Variants in EYS observed in about 807,000 individuals in gnomAD.
The protein encoded by EYS is EGF-like photoreceptor maintenance factor.
In EYS, 250 loss-of-function variants were observed where a neutral mutation model predicts 282.1. The observed-to-expected ratio is 0.89, with a 90% CI of 0.80 to 0.98. EYS has a LOEUF of 0.98. Ranked by LOEUF, EYS falls within the 50% of genes least tolerant of loss-of-function variation. The probability of loss-of-function intolerance (pLI) is 0.00; values close to 1 mark genes in which losing one functional copy is unlikely to be tolerated. For missense variants in EYS, 4,016 were observed against 3,709.0 expected, an observed-to-expected ratio of 1.08 and a Z score of -2.15; for synonymous variants, 1,355 against 1,282.9, an observed-to-expected ratio of 1.06 and a Z score of -1.20.
Position 64,550,745 on chromosome 6 carries a change from T to C in EYS, c.5644+39478A>G, listed in dbSNP as rs532495361. ...TCAGCCCAAAATCTCCTTAAGCTGA[T>C]AGGCAACTTCAGCAAAGTCTCAGGA... On this transcript the variant is annotated intron_variant, in intron 26 of 42. Coordinates refer to ENST00000503581, the MANE Select transcript of EYS (RefSeq NM_001142800.2). Among the ~76,000 whole-genome samples the C allele has an allele frequency of 1.3e-3, 194 of 152,248 alleles. 2 individuals are homozygous for C. Among genetic ancestry groups the C allele is most frequent in the Non-Finnish European group, 1.2e-4 (8 of 68,018 alleles).
intron 41 of EYS, among the ~76,000 whole-genome samples, chr6:63,754,263 T>C (rs772039628): frequency 5.3e-5 from 8 of 152,144 alleles, no homozygotes; most frequent in African/African-American, 1.9e-4. Flanking sequence ...TACATAGGTA[T>C]ACATGTGTGA....
rs202182625 is a variant in EYS, at chr6:65,353,641, A to T, written c.1300-24T>A. On this transcript the variant is annotated intron_variant, in intron 8 of 42. Coordinates refer to ENST00000503581, the MANE Select transcript of EYS (RefSeq NM_001142800.2). ...TACTGCAAAAAGGAAACAAGGAAAAATGGTAAATTCTTTTTTGATATATTT... is the reference window on the plus strand; with the variant it reads ...TACTGCAAAAAGGAAACAAGGAAAATTGGTAAATTCTTTTTTGATATATTT... 7.5e-6 allele frequency: 12 copies of T among 1,598,296 alleles called. No homozygotes were observed. In the East Asian group the frequency reaches 2.2e-4, roughly 30 times the overall value.
chr6:64,508,770 C>T (rs541719972), intron 26 of EYS, among the ~76,000 whole-genome samples: 2 of 152,006 alleles, frequency 1.3e-5, no homozygotes, highest in South Asian at 2.1e-4. Flanking sequence ...TGTTAAGTAT[C>T]ACTTGCCAGT....
At chr6:63,826,845 C>CAAAAAAAAAAAAAAAAAAAAGAAAAAAA (rs59957107) in intron 36 of EYS, among the ~76,000 whole-genome samples, 5 of 76,764 alleles carry the variant, frequency 6.5e-5, no homozygotes, top group Non-Finnish European at 7.5e-5. Flanking sequence ...AGTTAAAAAG[C>CAAAAAAAAAAAAAAAAAAAAGAAAAAAA]AAAAAAAAAA....
At chr6:65,210,615 G>T (rs185659237) in intron 12 of EYS, among the ~76,000 whole-genome samples, 2 of 151,896 alleles carry the variant, frequency 1.3e-5, no homozygotes, top group African/African-American at 4.8e-5. Context: ...GGACAGCAGC[G>T]TTGTAAGTAC....
At chr6:65,045,006 G>A (rs1402544912) in intron 13 of EYS, among the ~76,000 whole-genome samples, 2 of 151,760 alleles carry the variant, frequency 1.3e-5, no homozygotes, top group Non-Finnish European at 2.9e-5. Context: ...ACTCAGCAGA[G>A]CTTCTTTCTT....
chr6:64,826,719 C>T (rs1339585806), intron 19 of EYS, among the ~76,000 whole-genome samples: 2 of 148,716 alleles, frequency 1.3e-5, no homozygotes, highest in Admixed American at 1.4e-4. Flanking sequence ...AATCAGCTGT[C>T]TTTTTTCAGA....
At chr6:64,257,089 A>G (rs1309496620) in intron 30 of EYS, among the ~76,000 whole-genome samples, 1 of 152,030 alleles carries the variant, frequency 6.6e-6, no homozygotes, top group Non-Finnish European at 1.5e-5. Flanking sequence ...ATTCATTCAG[A>G]CTGAAAAACT....
chr6:64,544,135 C>T (rs1764773790), intron 26 of EYS, among the ~76,000 whole-genome samples: 1 of 152,184 alleles, frequency 6.6e-6, no homozygotes, highest in African/African-American at 2.4e-5. Context: ...CCCTATAACT[C>T]TTGCAGCTTA....
chr6:64,881,480 TCA>T (rs1389015382), intron 19 of EYS, among the ~76,000 whole-genome samples: 1 of 151,890 alleles, frequency 6.6e-6, no homozygotes, highest in Non-Finnish European at 1.5e-5. Flanking sequence ...ATGAATATAT[TCA>T]GTTATACATT....
chr6:63,905,931 A>G (rs1346311375), intron 35 of EYS, among the ~76,000 whole-genome samples: 1 of 152,210 alleles, frequency 6.6e-6, no homozygotes, highest in Non-Finnish European at 1.5e-5. Context: ...AATTCCAGAA[A>G]AAAACATTTC....
intron 35 of EYS, among the ~76,000 whole-genome samples, chr6:63,915,234 A>C (rs182548887): frequency 2.0e-5 from 3 of 152,262 alleles, no homozygotes; most frequent in Non-Finnish European, 2.9e-5. Flanking sequence ...CATCCTGAAA[A>C]TCCTAGGGCC....
chr6:64,654,191 A>AT (rs1378384280), intron 22 of EYS, among the ~76,000 whole-genome samples: 1 of 152,192 alleles, frequency 6.6e-6, no homozygotes, highest in African/African-American at 2.4e-5. Flanking sequence ...AAAATAACTA[A>AT]TGGGAGATTA....
At position 64,880,590 on chromosome 6, in the gene EYS, C is replaced by T. The variant is rs577736594; in HGVS notation, c.2992+6107G>A. 1.8e-4 allele frequency among the ~76,000 whole-genome samples: 27 copies of T among 151,320 alleles called. 1 individual carries two copies. Among genetic ancestry groups the T allele is most frequent in the Admixed American group, 6.0e-4 (9 of 15,122 alleles). On this transcript the variant is annotated intron_variant, in intron 19 of 42. Coordinates refer to ENST00000503581, the MANE Select transcript of EYS (RefSeq NM_001142800.2). Reference sequence around the variant, plus strand: ...GAACCCAAACCTAATCAACTTTTTCCGTAGCTTTCCCTTAATGTTCCATTT... The same window carrying T: ...GAACCCAAACCTAATCAACTTTTTCTGTAGCTTTCCCTTAATGTTCCATTT...
At chr6:64,044,065 T>A (rs997485612) in intron 33 of EYS, among the ~76,000 whole-genome samples, 1 of 152,204 alleles carries the variant, frequency 6.6e-6, no homozygotes, top group Non-Finnish European at 1.5e-5. Context: ...TTCAGTTAGC[T>A]TTGTTTGTGA....
chr6:64,902,321 C>T (rs1387422796), intron 17 of EYS, 83 bp downstream of exon 17: 1 of 1,281,088 alleles, frequency 7.8e-7, no homozygotes, highest in Non-Finnish European at 1.1e-6. Context: ...ATAATTGTTG[C>T]TTAATTCACC....
At chr6:64,161,003 A>C (rs1310198279) in intron 31 of EYS, among the ~76,000 whole-genome samples, 1 of 152,220 alleles carries the variant, frequency 6.6e-6, no homozygotes, top group African/African-American at 2.4e-5. Context: ...ATCATTATAA[A>C]TGATTTTATT....
At chr6:64,092,493 T>C (rs1370670237) in intron 31 of EYS, among the ~76,000 whole-genome samples, 4 of 152,132 alleles carry the variant, frequency 2.6e-5, no homozygotes, top group Admixed American at 6.5e-5. Context: ...TGCATTTCTC[T>C]GATGGCCAGT....
intron 15 of EYS, among the ~76,000 whole-genome samples, chr6:64,934,407 C>T (rs1254754860): frequency 6.6e-6 from 1 of 151,818 alleles, no homozygotes; most frequent in Non-Finnish European, 1.5e-5. Flanking sequence ...TCTATACATC[C>T]ATGAACCTCA....
Sources: allele counts gnomAD v4.1 joint callset (sites outside exome capture counted in the v4.1 genomes callset), GRCh38; gene constraint gnomAD v4.1.1; transcripts MANE v1.5; gene names NCBI Gene and HGNC (gene_info 2026-07-23, HGNC 2026-07-21).